The following BCR variants were observed in gnomAD, a reference collection of about 807,000 sequenced individuals.
BCR encodes the protein breakpoint cluster region protein.
In BCR, 58 loss-of-function variants were observed where a neutral mutation model predicts 138.6. The observed-to-expected ratio is 0.42, with a 90% CI of 0.34 to 0.52. BCR has a LOEUF of 0.52. BCR is among the 20% of genes least tolerant of loss of function. BCR has a pLI of 0.06. For missense variants in BCR, 1,599 were observed against 1,727.2 expected, an observed-to-expected ratio of 0.93 and a Z score of 1.32; for synonymous variants, 786 against 730.1, an observed-to-expected ratio of 1.08 and a Z score of -1.23.
chr22:23,236,973 A>C (rs2146250274), intron 1 of BCR, among the ~76,000 whole-genome samples: 1 of 152,290 alleles, frequency 6.6e-6, no homozygotes, highest in South Asian at 2.1e-4. Context: ...CCAAGCTGTT[A>C]TTCTTCCACC....
intron 10 of BCR, 86 bp from the exon 11 acceptor site, chr22:23,287,073 G>A (rs2073722671): frequency 6.5e-7 from 1 of 1,545,388 alleles, no homozygotes. Flanking sequence ...CAGGCTGAAT[G>A]CAGCTGGTGG....
chr22:23,209,526 T>G (rs911649975), intron 1 of BCR, among the ~76,000 whole-genome samples: 1 of 152,058 alleles, frequency 6.6e-6, no homozygotes, highest in Admixed American at 6.6e-5. Context: ...GTGGCTTGTT[T>G]GCTAATTTAT....
intron 8 of BCR, among the ~76,000 whole-genome samples, chr22:23,282,823 G>T (rs1048578194): frequency 5.9e-5 from 9 of 152,244 alleles, no homozygotes; most frequent in Admixed American, 1.3e-4. Flanking sequence ...CTCCCTGTGA[G>T]CCTTCCCTGA....
chr22:23,277,075 G>T (rs926952787), intron 8 of BCR, among the ~76,000 whole-genome samples: 1 of 152,246 alleles, frequency 6.6e-6, no homozygotes, highest in Non-Finnish European at 1.5e-5. Context: ...GGAAAGGGGG[G>T]CAGAAGCTCC....
At chr22:23,304,174 A>G (rs1353815517) in intron 16 of BCR, among the ~76,000 whole-genome samples, 1 of 145,548 alleles carries the variant, frequency 6.9e-6, no homozygotes, top group East Asian at 2.0e-4. Context: ...TCCTAGGCTC[A>G]AGTGATCCTC....
intron 1 of BCR, among the ~76,000 whole-genome samples, chr22:23,240,883 C>A (rs984687028): frequency 6.6e-6 from 1 of 152,158 alleles, no homozygotes; most frequent in Non-Finnish European, 1.5e-5. Flanking sequence ...CTTTCTGTCT[C>A]TATGAATTTG....
rs760857310 is a variant in BCR, at chr22:23,290,327, T to C, written c.2708-12T>C. The C allele has an allele frequency of 6.2e-7, 1 of 1,613,302 alleles. No individual in the cohort carries two copies. The highest frequency in any genetic ancestry group is 8.5e-7 in the Non-Finnish European group (1 of 1,179,264). ...GGACAACAGAAGCTGACCTCTTTGA[T>C]CTCTTGCGCAGATGATGAGTCTCCG... On this transcript the variant is annotated splice_polypyrimidine_tract_variant and intron_variant, in intron 13 of 22. Coordinates refer to ENST00000305877, the MANE Select transcript of BCR (RefSeq NM_004327.4).
At chr22:23,186,020 G>A (rs966242589) in intron 1 of BCR, among the ~76,000 whole-genome samples, 1 of 149,906 alleles carries the variant, frequency 6.7e-6, no homozygotes, top group Non-Finnish European at 1.5e-5. Context: ...TGAGCCACCC[G>A]CGCAAGGCGG....
chr22:23,313,480 C>G (rs1361886915), intron 20 of BCR, among the ~76,000 whole-genome samples: 2 of 152,226 alleles, frequency 1.3e-5, no homozygotes, highest in Non-Finnish European at 2.9e-5. Context: ...AGGTCTGCCT[C>G]CCGGGCCCAT....
intron 1 of BCR, chr22:23,216,901 G>A: frequency 3.3e-6 from 1 of 302,540 alleles, no homozygotes; most frequent in Non-Finnish European, 6.8e-6. Flanking sequence ...GCTTCCTGAG[G>A]CCTGGGCTAT....
intron 6 of BCR, 68 bp from the exon 7 acceptor site, chr22:23,273,013 G>T (rs985664653): frequency 1.3e-6 from 2 of 1,552,860 alleles, no homozygotes; most frequent in African/African-American, 1.4e-5. Context: ...CCCTTGCACC[G>T]AGGGTGGTCA....
intron 1 of BCR, among the ~76,000 whole-genome samples, chr22:23,183,648 C>CCTTG (rs1258238690): frequency 7.9e-5 from 12 of 152,364 alleles, no homozygotes; most frequent in Admixed American, 5.2e-4. Flanking sequence ...TGGGCACCAG[C>CCTTG]CTTGTCTGGC....
intron 4 of BCR, chr22:23,262,846 G>A: frequency 9.6e-7 from 1 of 1,040,916 alleles, no homozygotes; most frequent in Non-Finnish European, 1.2e-6. Flanking sequence ...CAGGGCGGAA[G>A]GGAAGCCCGG....
At position 23,295,019 on chromosome 22, in the gene BCR, T is replaced by G; in HGVS notation, c.2881-5T>G. 6.2e-7 allele frequency: 1 copy of G among 1,613,914 alleles called. No individual in the cohort carries two copies. The highest frequency in any genetic ancestry group is 8.5e-7 in the Non-Finnish European group (1 of 1,179,838). ...CTGGACTTCCCTTCTCCCTTGGGGC[T>G]GCAGGAATTTGAGATAGAGCTGGAG... On this transcript the variant is annotated splice_polypyrimidine_tract_variant and splice_region_variant and intron_variant, in intron 15 of 22. Coordinates refer to ENST00000305877, the MANE Select transcript of BCR (RefSeq NM_004327.4).
At chr22:23,272,972 G>A (rs1014112522) in intron 6 of BCR, 109 bp from the exon 7 acceptor site, 27 of 1,220,336 alleles carry the variant, frequency 2.2e-5, no homozygotes, top group Non-Finnish European at 2.7e-5. Context: ...GATGGGGCCT[G>A]TGGAGGCTGG....
chr22:23,199,341 T>C (rs371813554), intron 1 of BCR: 1 of 517,366 alleles, frequency 1.9e-6, no homozygotes, highest in Non-Finnish European at 3.9e-6. Context: ...TCTCCTGGCT[T>C]CCCCGGCCCT....
intron 12 of BCR, among the ~76,000 whole-genome samples, chr22:23,288,381 A>G (rs1456095974): frequency 7.5e-6 from 1 of 132,564 alleles, no homozygotes; most frequent in Non-Finnish European, 1.6e-5. Context: ...TCCTGCCCCC[A>G]TCACCTGGGC....
At chr22:23,283,500 G>A (rs112919215) in intron 8 of BCR, 22 of 160,742 alleles carry the variant, frequency 1.4e-4, no homozygotes, top group Non-Finnish European at 1.9e-4. Context: ...ACAGGGGCCT[G>A]TGCCTGAGAT....
intron 1 of BCR, among the ~76,000 whole-genome samples, chr22:23,182,923 G>A (rs1262765676): frequency 6.6e-6 from 1 of 152,174 alleles, no homozygotes. Context: ...AGCCACACCC[G>A]TTCTGATCTG....
Sources: allele counts gnomAD v4.1 joint callset (sites outside exome capture counted in the v4.1 genomes callset), GRCh38; gene constraint gnomAD v4.1.1; transcripts MANE v1.5; gene names NCBI Gene and HGNC (gene_info 2026-07-23, HGNC 2026-07-21).